Variants in VPS54 observed in about 807,000 individuals in gnomAD.
The protein encoded by VPS54 is VPS54 subunit of GARP complex.
A neutral mutation model predicts 121.5 loss-of-function variants in VPS54; 45 were observed. That is an observed-to-expected ratio of 0.37 (90% confidence interval 0.29 to 0.47). The LOEUF (loss-of-function observed/expected upper bound fraction) is 0.47, where lower values mean the gene tolerates loss of function less well. Among genes scored for constraint, VPS54 ranks in the 20% least tolerant of loss-of-function variants. VPS54 has a pLI of 0.99. For synonymous variants in VPS54, 371 were observed against 385.8 expected, an observed-to-expected ratio of 0.96 and a Z score of 0.45; for missense variants, 1,090 against 1,131.4, an observed-to-expected ratio of 0.96 and a Z score of 0.52.
At chr2:63,904,546 T>C (rs1672828313) in intron 20 of VPS54, among the ~76,000 whole-genome samples, 1 of 148,054 alleles carries the variant, frequency 6.8e-6, no homozygotes, top group Non-Finnish European at 1.5e-5. Flanking sequence ...AAGATACATA[T>C]AACAAAAACT....
intron 3 of VPS54, among the ~76,000 whole-genome samples, chr2:63,973,376 T>A (rs769911543): frequency 6.6e-6 from 1 of 152,246 alleles, no homozygotes; most frequent in African/African-American, 2.4e-5. Context: ...GAAAAATACA[T>A]ATAACATAAA....
At chr2:63,998,734 CTATTTA>C (rs1171165345) in intron 1 of VPS54, among the ~76,000 whole-genome samples, 7 of 151,888 alleles carry the variant, frequency 4.6e-5, no homozygotes, top group East Asian at 1.9e-4. Flanking sequence ...TTTGTTGTTT[CTATTTA>C]TATTTTACTA....
chr2:63,981,803 G>A lies in VPS54; in HGVS notation c.221C>T (p.Pro74Leu). ...TAATCTAGGATCGTTTAATGCTGCT[G>A]GGAGATTTACTTTGGAATGATATAC... is the stretch of plus-strand genomic sequence containing the variant. ...WTVYHSKVNL[P>L]AALNDPRLAK... Residue 74 changes from proline (P) to leucine (L), a missense_variant, in exon 3 of 23, where the codon CCA becomes CTA. Pro to Leu is a moderately conservative substitution (Grantham distance 98). Coordinates refer to ENST00000272322, the MANE Select transcript of VPS54 (RefSeq NM_016516.3). 2 of 1,613,732 alleles carry A rather than the reference G, an allele frequency of 1.2e-6. No homozygotes were observed. Among genetic ancestry groups the A allele is most frequent in the African/African-American group, 1.3e-5 (1 of 75,016 alleles).
Position 63,942,485 on chromosome 2 carries a change from T to C in VPS54, c.1378A>G (p.Ile460Val), listed in dbSNP as rs142484528. Reference protein sequence around the residue: ...LLKDIFSKFTIFLQRVKATLN... With the variant: ...LLKDIFSKFTVFLQRVKATLN... ...CTTACCTTCACTCTCTGTAGGAAAATTGTAAACTTAGAGAAAATATCCTTG... is the reference window on the plus strand; with the variant it reads ...CTTACCTTCACTCTCTGTAGGAAAACTGTAAACTTAGAGAAAATATCCTTG... Residue 460 changes from isoleucine to valine, a missense_variant, in exon 11 of 23, where the codon ATT (isoleucine) becomes GTT (valine). Physicochemically the swap from Ile to Val is conservative, Grantham distance 29 (BLOSUM62 3). Coordinates refer to ENST00000272322, the MANE Select transcript of VPS54 (RefSeq NM_016516.3). The C allele has an allele frequency of 2.1e-4, 339 of 1,593,784 alleles. 1 individual carries two copies. Among genetic ancestry groups the C allele is most frequent in the Non-Finnish European group, 2.6e-4 (304 of 1,168,938 alleles).
intron 7 of VPS54, 119 bp downstream of exon 7, chr2:63,961,939 T>C (rs928038415): frequency 9.1e-7 from 1 of 1,094,274 alleles, no homozygotes; most frequent in African/African-American, 1.6e-5. Flanking sequence ...AAATGATCAA[T>C]CTGGAAGAAA....
intron 15 of VPS54, among the ~76,000 whole-genome samples, chr2:63,917,807 T>C (rs756500835): frequency 5.9e-5 from 9 of 152,034 alleles, no homozygotes; most frequent in African/African-American, 9.7e-5. Flanking sequence ...TCAGTCTGCC[T>C]GGATTGGAAT....
At chr2:63,949,844 C>A (rs1359197206) in intron 7 of VPS54, among the ~76,000 whole-genome samples, 1 of 152,166 alleles carries the variant, frequency 6.6e-6, no homozygotes, top group African/African-American at 2.4e-5. Context: ...ATCCTTCTTT[C>A]ACCATTTGCT....
chr2:63,933,188 G>A (rs893282107), intron 12 of VPS54, among the ~76,000 whole-genome samples: 1 of 151,680 alleles, frequency 6.6e-6, no homozygotes, highest in Non-Finnish European at 1.5e-5. Flanking sequence ...AAAATAAGAA[G>A]TTTTTAAAAT....
At chr2:63,919,396 C>G (rs1205430234) in intron 15 of VPS54, among the ~76,000 whole-genome samples, 1 of 152,086 alleles carries the variant, frequency 6.6e-6, no homozygotes, top group Non-Finnish European at 1.5e-5. Context: ...AGAAATACAG[C>G]TGTTATCTCT....
At chr2:63,967,474 G>A (rs1193531275) in intron 5 of VPS54, among the ~76,000 whole-genome samples, 8 of 151,874 alleles carry the variant, frequency 5.3e-5, no homozygotes, top group African/African-American at 7.3e-5. Context: ...CAGCACTTTC[G>A]GAGGCCAGGT....
intron 3 of VPS54, among the ~76,000 whole-genome samples, chr2:63,976,825 CTTTTTTTTT>C (rs1174931536): frequency 1.1e-5 from 1 of 89,680 alleles, no homozygotes; most frequent in African/African-American, 4.1e-5. Flanking sequence ...TATATCTTCT[CTTTTTTTTT>C]TTTTTTTTTT....
At chr2:63,923,776 C>T (rs894073785) in intron 12 of VPS54, among the ~76,000 whole-genome samples, 1 of 152,118 alleles carries the variant, frequency 6.6e-6, no homozygotes, top group East Asian at 1.9e-4. Context: ...AATAAACTTA[C>T]AAAATTGCAG....
chr2:63,931,798 C>T (rs1024179362), intron 12 of VPS54, among the ~76,000 whole-genome samples: 7 of 152,138 alleles, frequency 4.6e-5, no homozygotes, highest in Admixed American at 4.6e-4. Flanking sequence ...AGAACTTAAA[C>T]AAATTTACAA....
chr2:63,976,742 T>G (rs1165475201), intron 3 of VPS54, among the ~76,000 whole-genome samples: 5 of 152,070 alleles, frequency 3.3e-5, no homozygotes, highest in Non-Finnish European at 4.4e-5. Context: ...GTTCACAATA[T>G]TCTCTTATTA....
chr2:63,983,444 AT>A (rs58336872), intron 2 of VPS54, among the ~76,000 whole-genome samples: 24,990 of 119,986 alleles, frequency 0.21, 2,489 homozygotes, highest in Non-Finnish European at 0.25. Flanking sequence ...GCCCCAAATG[AT>A]TTTTTTTTTT....
At chr2:63,936,530 T>C (rs1024659259) in intron 11 of VPS54, among the ~76,000 whole-genome samples, 2 of 152,146 alleles carry the variant, frequency 1.3e-5, no homozygotes, top group Non-Finnish European at 2.9e-5. Context: ...ACAACTGATA[T>C]TGTCATTCTG....
intron 3 of VPS54, among the ~76,000 whole-genome samples, chr2:63,979,725 C>G (rs1352517922): frequency 2.0e-5 from 3 of 152,086 alleles, no homozygotes; most frequent in Non-Finnish European, 4.4e-5. Context: ...TTTCTTTCTT[C>G]TTTGACTCAC....
intron 1 of VPS54, among the ~76,000 whole-genome samples, chr2:64,000,088 C>T (rs968584855): frequency 1.3e-5 from 2 of 152,032 alleles, no homozygotes; most frequent in African/African-American, 4.8e-5. Context: ...TCTCGAACTC[C>T]TGACCTCATG....
chr2:63,895,699 A>ACTT (rs35837621), intron 22 of VPS54, among the ~76,000 whole-genome samples: 32,883 of 152,038 alleles, frequency 0.22, 4,087 homozygotes, highest in Non-Finnish European at 0.26. Flanking sequence ...AGAAACAAAA[A>ACTT]CTTTTAAGCA....
Sources: allele counts gnomAD v4.1 joint callset (sites outside exome capture counted in the v4.1 genomes callset), GRCh38; gene constraint gnomAD v4.1.1; transcripts MANE v1.5; gene names NCBI Gene and HGNC (gene_info 2026-07-23, HGNC 2026-07-21).